Variants in APBB1IP observed in about 807,000 individuals in gnomAD.
APBB1IP encodes amyloid beta precursor protein binding family B member 1 interacting protein.
Under a neutral mutation model 64.9 loss-of-function variants are expected in APBB1IP, and 27 were observed. That is an observed-to-expected ratio of 0.42 (90% CI 0.31 to 0.57). APBB1IP has a LOEUF of 0.57. Among genes scored for constraint, APBB1IP ranks in the 20% least tolerant of loss-of-function variants. The pLI is 0.20. For synonymous variants in APBB1IP, 392 were observed against 331.0 expected (o/e 1.18, Z -2.00); for missense variants, 812 against 845.5 (o/e 0.96, Z 0.49).
chr10:26,480,133 C>T (rs1835818214), intron 2 of APBB1IP, among the ~76,000 whole-genome samples: 1 of 152,140 alleles, frequency 6.6e-6, no homozygotes, highest in Non-Finnish European at 1.5e-5. Context: ...CAGAGCAGAG[C>T]GTTTCCTTCA....
At chr10:26,445,698 A>G (rs1033475356) in intron 2 of APBB1IP, among the ~76,000 whole-genome samples, 1 of 152,252 alleles carries the variant, frequency 6.6e-6, no homozygotes, top group African/African-American at 2.4e-5. Context: ...TCAAATGTTT[A>G]GAATTTCAAA....
chr10:26,471,802 A>G (rs1835719519), intron 2 of APBB1IP, among the ~76,000 whole-genome samples: 1 of 152,038 alleles, frequency 6.6e-6, no homozygotes, highest in African/African-American at 2.4e-5. Flanking sequence ...CCCCAGCCTG[A>G]GCCTCCCAAA....
At chr10:26,492,596 G>T (rs1470893781) in intron 3 of APBB1IP, among the ~76,000 whole-genome samples, 198 bp downstream of exon 3, 1 of 152,144 alleles carries the variant, frequency 6.6e-6, no homozygotes, top group African/African-American at 2.4e-5. Flanking sequence ...ACAAAAGAGA[G>T]AAATTTTAAA....
At chr10:26,480,394 T>C (rs1406883947) in intron 2 of APBB1IP, among the ~76,000 whole-genome samples, 2 of 152,078 alleles carry the variant, frequency 1.3e-5, no homozygotes, top group Non-Finnish European at 2.9e-5. Flanking sequence ...AAATGTAAGC[T>C]TCTTTGTTGG....
chr10:26,485,715 G>T (rs556842721), intron 2 of APBB1IP, among the ~76,000 whole-genome samples: 2 of 152,182 alleles, frequency 1.3e-5, no homozygotes, highest in African/African-American at 4.8e-5. Context: ...ACCATGTCAA[G>T]TTGGTTGTTA....
intron 2 of APBB1IP, among the ~76,000 whole-genome samples, chr10:26,447,899 G>A (rs11818670): frequency 0.031 from 4,683 of 152,148 alleles, 231 homozygotes; most frequent in African/African-American, 0.11. Context: ...GCCTCCCAAA[G>A]TGCCGGGATT....
intron 7 of APBB1IP, among the ~76,000 whole-genome samples, chr10:26,512,566 G>A (rs1836274422): frequency 6.6e-6 from 1 of 151,826 alleles, no homozygotes; most frequent in Non-Finnish European, 1.5e-5. Context: ...TTTCAAAAGT[G>A]GAAAAAAAGG....
chr10:26,533,475 A>C lies in APBB1IP; in HGVS notation c.850A>C (p.Lys284Gln). ...YLDNRGKKES[K>Q]ETNEKMNAKN... The stretch of plus-strand genomic sequence containing the variant: ...GGATAACAGAGGAAAAAAAGAAAGC[A>C]AGGAAACTAATGAGAAAATGAATGC... Residue 284 changes from lysine to glutamine, a missense_variant, in exon 9 of 15, where the codon AAG (lysine) becomes CAG (glutamine). Physicochemically the swap from Lys to Gln is moderately conservative, Grantham distance 53. Coordinates refer to ENST00000376236, the MANE Select transcript of APBB1IP (RefSeq NM_019043.4). 6.2e-7 allele frequency: 1 copy of C among 1,606,254 alleles called. No individual in the cohort carries two copies. Among genetic ancestry groups the C allele is most frequent in the South Asian group, 1.1e-5 (1 of 89,136 alleles).
In APBB1IP at chr10:26,541,582, A is replaced by C. The variant is rs1424837030; in HGVS notation, c.1045A>C (p.Thr349Pro). The change falls in exon 11 of 15, where the codon ACA becomes CCA. Residue 349 changes from threonine to proline, a missense_variant and splice_region_variant. Coordinates refer to ENST00000376236, the MANE Select transcript of APBB1IP (RefSeq NM_019043.4). The part of the protein sequence containing the change: ...IYYVPKGKTK[T>P]SRDLACFIQF... Reference sequence around the variant, plus strand: ...TTTTATTTTTTTCCCTGTCTTTCAGACATCTCGAGATCTGGCGTGTTTTAT... The same window carrying C: ...TTTTATTTTTTTCCCTGTCTTTCAGCCATCTCGAGATCTGGCGTGTTTTAT... 1 of 1,604,102 alleles carries C rather than the reference A, an allele frequency of 6.2e-7. No individual in the cohort carries two copies.
At chr10:26,559,318 C>T (rs1317296438) in intron 11 of APBB1IP, among the ~76,000 whole-genome samples, 1 of 151,998 alleles carries the variant, frequency 6.6e-6, no homozygotes, top group Admixed American at 6.5e-5. Flanking sequence ...AATCCCAGCA[C>T]TTTGGTTGGC....
intron 2 of APBB1IP, among the ~76,000 whole-genome samples, chr10:26,455,057 C>T (rs4747564): frequency 0.4 from 60,753 of 152,064 alleles, 12,280 homozygotes; most frequent in South Asian, 0.5. Flanking sequence ...CTGCAGGACT[C>T]TATTCTGGCT....
At chr10:26,502,975 T>C (rs1049539343) in intron 5 of APBB1IP, among the ~76,000 whole-genome samples, 1 of 152,248 alleles carries the variant, frequency 6.6e-6, no homozygotes, top group Non-Finnish European at 1.5e-5. Context: ...ATCTAAATTC[T>C]GAAAATTGAA....
chr10:26,567,129 GC>G lies in APBB1IP; in HGVS notation c.1646del (p.Pro549HisfsTer107). On this transcript the variant is annotated frameshift_variant, in exon 15 of 15. Coordinates refer to ENST00000376236, the MANE Select transcript of APBB1IP (RefSeq NM_019043.4). LOFTEE classifies it low-confidence loss of function (END_TRUNC). Reference sequence around the variant, plus strand: ...GGGCACAGGCGGCGGGGGCTTGCCCGCCCCACCCGACGACTTCCTGCCGCCG... The same window carrying G: ...GGGCACAGGCGGCGGGGGCTTGCCCGCCCACCCGACGACTTCCTGCCGCCG... ...AKGTGGGGLPAPPDDFLPPPP... is the reference protein window; with the variant it reads ...AKGTGGGGLPXPPDDFLPPPP... 7.1e-7 allele frequency: 1 copy of G among 1,417,616 alleles called. No individual in the cohort carries two copies. Among genetic ancestry groups the G allele is most frequent in the Admixed American group, 3.2e-5 (1 of 30,866 alleles). 87.8% of individuals were successfully genotyped at this position (1,417,616 alleles called of 1,614,324 possible).
At chr10:26,486,488 G>A (rs56901144) in intron 2 of APBB1IP, among the ~76,000 whole-genome samples, 6 of 152,248 alleles carry the variant, frequency 3.9e-5, no homozygotes, top group South Asian at 2.1e-4. Context: ...AAGTTAAGGC[G>A]CATGGGAAGA....
chr10:26,501,222 T>C (rs747272694), intron 5 of APBB1IP, 111 bp downstream of exon 5: 3 of 1,493,764 alleles, frequency 2.0e-6, no homozygotes, highest in Non-Finnish European at 2.8e-6. Flanking sequence ...AGATCTGAGA[T>C]ACTAAAAAAC....
intron 3 of APBB1IP, among the ~76,000 whole-genome samples, chr10:26,495,730 T>G (rs1836013209): frequency 6.6e-6 from 1 of 151,132 alleles, no homozygotes; most frequent in East Asian, 1.9e-4. Context: ...TACTCATAGG[T>G]TTGCTTGGCT....
rs1376592249 is a variant in APBB1IP, at chr10:26,479,308, A to G, written c.1-13019A>G. ...AGACTCCGTCTCAAAAAAAAAAAAA[A>G]AAAAAAAAAAAAAAATTGACATATA... On this transcript the variant is annotated intron_variant, in intron 2 of 14. Coordinates refer to ENST00000376236, the MANE Select transcript of APBB1IP (RefSeq NM_019043.4). Among the ~76,000 whole-genome samples, 2 of 2,980 alleles carry G rather than the reference A, an allele frequency of 6.7e-4. 1 individual carries two copies. The highest frequency in any genetic ancestry group is 8.8e-4 in the Non-Finnish European group (2 of 2,272). 2.0% of individuals were successfully genotyped at this position (2,980 alleles called of 152,430 possible). A position where few individuals can be genotyped will look rare whatever the true frequency, so the allele number is the denominator to read the frequency against.
chr10:26,504,111 G>A (rs1196015147), intron 6 of APBB1IP, among the ~76,000 whole-genome samples: 2 of 152,204 alleles, frequency 1.3e-5, no homozygotes, highest in Admixed American at 6.5e-5. Flanking sequence ...TGTCGGCCTG[G>A]CCTCTGCTTT....
chr10:26,520,633 C>G (rs752202279), intron 8 of APBB1IP, among the ~76,000 whole-genome samples: 2 of 152,186 alleles, frequency 1.3e-5, no homozygotes, highest in Non-Finnish European at 2.9e-5. Flanking sequence ...TAGTGATATG[C>G]TTGTGCAGGC....
Sources: gnomAD v4.1 joint callset for allele counts (sites outside exome capture counted in the v4.1 genomes callset) on GRCh38, gnomAD v4.1.1 for gene constraint, MANE v1.5 for transcripts, NCBI Gene and HGNC (gene_info 2026-07-23, HGNC 2026-07-21) for gene names.